The following FHIP2A variants were observed in gnomAD, a reference collection of about 807,000 sequenced individuals.
FHIP2A encodes FHF complex subunit HOOK interacting protein 2A, also known as family with sequence similarity 160 member B1.
A neutral mutation model predicts 93.5 loss-of-function variants in FHIP2A; 46 were observed. The ratio of observed to expected loss-of-function variants is 0.49; its 90% CI spans 0.39 to 0.63. The LOEUF (loss-of-function observed/expected upper bound fraction) is 0.63, where lower values mean the gene tolerates loss of function less well. FHIP2A is among the 20% of genes least tolerant of loss of function. The pLI is 0.00. For synonymous variants in FHIP2A, 332 were observed against 326.5 expected (o/e 1.02, Z -0.18); for missense variants, 769 against 909.7 (o/e 0.85, Z 1.99).
Position 114,862,600 on chromosome 10 carries a change from G to C in FHIP2A, c.*1060G>C. ...GTCCTATTTACATGTTAAAGGATTT[G>C]GGGAAATTGGGTATGTATGTGAATG... On this transcript the variant is annotated 3_prime_UTR_variant, in exon 17 of 17. Coordinates refer to ENST00000369248, the MANE Select transcript of FHIP2A (RefSeq NM_020940.4). 1.0e-6 allele frequency: 1 copy of C among 986,456 alleles called. No individual in the cohort carries two copies. The highest frequency in any genetic ancestry group is 1.2e-6 in the Non-Finnish European group (1 of 830,076). The allele number at this position is 986,456 out of a possible 1,614,324, so 61.1% of individuals were successfully genotyped here.
intron 16 of FHIP2A, among the ~76,000 whole-genome samples, chr10:114,877,353 C>G (rs999751469): frequency 3.3e-5 from 5 of 152,152 alleles, no homozygotes; most frequent in Non-Finnish European, 7.3e-5. Flanking sequence ...GGAACCCATG[C>G]AGCTCCTTCA....
At chr10:114,823,805 T>C (rs1030019410) in intron 1 of FHIP2A, among the ~76,000 whole-genome samples, 7 of 152,036 alleles carry the variant, frequency 4.6e-5, no homozygotes, top group Admixed American at 4.6e-4. Flanking sequence ...GCCCGAATCA[T>C]TTTAACCTTG....
At chr10:114,858,244 A>G (rs972562063) in intron 14 of FHIP2A, among the ~76,000 whole-genome samples, 4 of 152,248 alleles carry the variant, frequency 2.6e-5, no homozygotes, top group Non-Finnish European at 4.4e-5. Flanking sequence ...GTTATTACCA[A>G]TAGGAAGTAG....
chr10:114,868,313 T>C (rs2083840676), downstream of FHIP2A, among the ~76,000 whole-genome samples: 1 of 152,064 alleles, frequency 6.6e-6, no homozygotes, highest in East Asian at 1.9e-4. Flanking sequence ...CATTCAATTC[T>C]CGTAGGAGCA....
intron 16 of FHIP2A, among the ~76,000 whole-genome samples, chr10:114,896,890 C>T (rs1045198153): frequency 2.6e-5 from 4 of 152,202 alleles, no homozygotes; most frequent in Non-Finnish European, 5.9e-5. Context: ...TTTCTCCTTA[C>T]TTGTTATATG....
intron 8 of FHIP2A, 30 bp downstream of exon 8, chr10:114,845,511 T>C (rs768223658): frequency 5.2e-6 from 7 of 1,335,898 alleles, no homozygotes; most frequent in Non-Finnish European, 7.4e-6. Context: ...TTTTTGATCA[T>C]TTTAAGATAT....
At chr10:114,833,661 G>C (rs1221429216) in intron 3 of FHIP2A, among the ~76,000 whole-genome samples, 3 of 152,042 alleles carry the variant, frequency 2.0e-5, no homozygotes. Context: ...ATAAACTCAA[G>C]TACGTGAGCT....
intron 16 of FHIP2A, among the ~76,000 whole-genome samples, chr10:114,887,074 G>A (rs2083946903): frequency 6.6e-6 from 1 of 152,142 alleles, no homozygotes; most frequent in Non-Finnish European, 1.5e-5. Flanking sequence ...TCCTACCACT[G>A]CCAGCTTTGC....
chr10:114,896,868 A>G (rs1373827595), intron 16 of FHIP2A, among the ~76,000 whole-genome samples: 1 of 152,228 alleles, frequency 6.6e-6, no homozygotes, highest in African/African-American at 2.4e-5. Context: ...GGTTCACAGT[A>G]GCTTTGCAGA....
At chr10:114,851,899 T>A (rs2143012197) in intron 13 of FHIP2A, among the ~76,000 whole-genome samples, 1 of 152,304 alleles carries the variant, frequency 6.6e-6, no homozygotes, top group East Asian at 1.9e-4. Context: ...GTTTTCAGTG[T>A]ACAAGTCTTG....
At chr10:114,858,370 C>T (rs953460177) in intron 14 of FHIP2A, among the ~76,000 whole-genome samples, 2 of 152,108 alleles carry the variant, frequency 1.3e-5, no homozygotes, top group Non-Finnish European at 2.9e-5. Flanking sequence ...CTATGACCTA[C>T]ATTTATGTTA....
intron 14 of FHIP2A, among the ~76,000 whole-genome samples, chr10:114,858,798 C>T (rs2083781304): frequency 6.6e-6 from 1 of 152,002 alleles, no homozygotes; most frequent in Admixed American, 6.6e-5. Context: ...TTCTAGTATT[C>T]AGTAGTACAG....
intron 2 of FHIP2A, 26 bp downstream of exon 2, chr10:114,830,956 G>A (rs747777873): frequency 2.2e-6 from 3 of 1,356,048 alleles, no homozygotes; most frequent in Admixed American, 2.4e-5. Context: ...GATATTAACT[G>A]AAAATTTGTG....
chr10:114,830,106 A>G (rs1172502696), intron 1 of FHIP2A, among the ~76,000 whole-genome samples: 1 of 152,088 alleles, frequency 6.6e-6, no homozygotes, highest in East Asian at 1.9e-4. Context: ...ACTTTGGTAT[A>G]TGTTTTAGTA....
intron 14 of FHIP2A, among the ~76,000 whole-genome samples, chr10:114,860,506 C>G (rs991097978): frequency 6.6e-6 from 1 of 152,098 alleles, no homozygotes; most frequent in African/African-American, 2.4e-5. Flanking sequence ...GCATGTGCCA[C>G]CACACCGGGC....
intron 13 of FHIP2A, among the ~76,000 whole-genome samples, chr10:114,853,728 G>A (rs767302064): frequency 9.9e-5 from 15 of 152,204 alleles, no homozygotes; most frequent in Non-Finnish European, 2.2e-4. Context: ...GCCAGGCGCG[G>A]TGGCTCATGC....
rs1003013081 is a variant in FHIP2A at position 114,828,174 on chromosome 10, T to G, written c.46-2678T>G. ...ATCTAAGTTATTAGCAATTGAGAAC[T>G]GTTTAACTCTCTAGTTAAATAGGTT... On this transcript the variant is annotated intron_variant, in intron 1 of 16. Transcript: ENST00000369248. Among the ~76,000 whole-genome samples, 4 of 152,216 alleles carry G rather than the reference T, an allele frequency of 2.6e-5. No individual in the cohort carries two copies. The East Asian group carries it at 5.8e-4, about 22-fold the overall frequency.
intron 16 of FHIP2A, among the ~76,000 whole-genome samples, chr10:114,897,003 C>T (rs1479530321): frequency 6.6e-6 from 1 of 152,216 alleles, no homozygotes; most frequent in Non-Finnish European, 1.5e-5. Flanking sequence ...TATTTAAAGA[C>T]CTGTGCTAAC....
At chr10:114,864,982 C>T (rs953847128), downstream of FHIP2A, among the ~76,000 whole-genome samples, 8 of 142,296 alleles carry the variant, frequency 5.6e-5, no homozygotes, top group African/African-American at 2.0e-4. Flanking sequence ...TTATGCACGT[C>T]TCAAAAACAA....
Sources: allele counts gnomAD v4.1 joint callset (sites outside exome capture counted in the v4.1 genomes callset), GRCh38; gene constraint gnomAD v4.1.1; transcripts MANE v1.5; gene names NCBI Gene and HGNC (gene_info 2026-07-23, HGNC 2026-07-21).